The following THOP1 variants were observed in gnomAD, a reference collection of about 807,000 sequenced individuals.
THOP1 encodes thimet oligopeptidase.
Under a neutral mutation model 71.8 loss-of-function variants are expected in THOP1, and 49 were observed. The ratio of observed to expected loss-of-function variants is 0.68; its 90% confidence interval spans 0.54 to 0.87. THOP1 has a LOEUF of 0.87. Among genes scored for constraint, THOP1 ranks in the 40% least tolerant of loss-of-function variants. The pLI, the probability that THOP1 is intolerant of heterozygous loss-of-function variation, is 0.00. For synonymous variants in THOP1, 426 were observed against 421.5 expected (o/e 1.01, Z -0.13); for missense variants, 843 against 975.6 (o/e 0.86, Z 1.81).
intron 5 of THOP1, 93 bp downstream of exon 5, chr19:2,799,884 G>T: frequency 3.3e-6 from 4 of 1,200,288 alleles, no homozygotes; most frequent in Non-Finnish European, 4.9e-6. Context: ...TCCTCCTGTG[G>T]GCTTCTGTGC....
At chr19:2,812,384 C>G (rs1355612122) in intron 12 of THOP1, 2 of 1,503,500 alleles carry the variant, frequency 1.3e-6, no homozygotes, top group African/African-American at 2.8e-5. Flanking sequence ...TACCTCGGAG[C>G]CACCAAGCAG....
rs200615712 is a variant in THOP1, at chr19:2,807,083, C to T, written c.886+31C>T. On this transcript the variant is annotated intron_variant, in intron 7 of 12. Transcript: ENST00000307741. ...CCTTCCTTCCTCCTCCACTGGGGTC[C>T]CTGTGGGGAAGGTTCTCAGGGTCAC... The T allele has an allele frequency of 2.7e-5, 43 of 1,590,542 alleles. No individual in the cohort carries two copies. The South Asian group carries it at 4.4e-4, about 16-fold the overall frequency.
chr19:2,811,866 A>G, intron 12 of THOP1, 132 bp downstream of exon 12: 1 of 1,324,914 alleles, frequency 7.5e-7, no homozygotes, highest in South Asian at 1.7e-5. Context: ...ACGGCAAGGT[A>G]CGCGGGGACT....
chr19:2,800,968 A>C (rs1186310541), intron 5 of THOP1, among the ~76,000 whole-genome samples: 1 of 152,098 alleles, frequency 6.6e-6, no homozygotes, highest in African/African-American at 2.4e-5. Context: ...ATGCCATGGC[A>C]CCAAGGATTT....
At chr19:2,812,693 G>A (rs543064799) in intron 12 of THOP1, among the ~76,000 whole-genome samples, 1 of 152,328 alleles carries the variant, frequency 6.6e-6, no homozygotes, top group South Asian at 2.1e-4. Flanking sequence ...TGGCACCGGC[G>A]CCTCGCAGTC....
At chr19:2,788,523 G>A (rs1915804184) in intron 1 of THOP1, among the ~76,000 whole-genome samples, 1 of 152,162 alleles carries the variant, frequency 6.6e-6, no homozygotes, top group Non-Finnish European at 1.5e-5. Flanking sequence ...TTGTTGCCCA[G>A]GCTGGAGTGC....
intron 4 of THOP1, among the ~76,000 whole-genome samples, chr19:2,797,084 A>G (rs1916033780): frequency 6.6e-6 from 1 of 151,984 alleles, no homozygotes; most frequent in East Asian, 1.9e-4. Flanking sequence ...CTGGGTCAGG[A>G]GGTGTGCTCT....
Position 2,805,195 on chromosome 19 carries a change from G to A in THOP1, c.750+19G>A. On this transcript the variant is annotated intron_variant, in intron 6 of 12. Coordinates refer to ENST00000307741, the MANE Select transcript of THOP1 (RefSeq NM_003249.5). This position sits in a 1 kb window ranked among gnomAD's most constrained non-coding sequence, Gnocchi z 6.6. Reference sequence around the variant, plus strand: ...CAAGGAGGTGAGAAGGCACGGCCAGGGGGCCCCAGAACAGTGGGTCTGGAG... The same window carrying A: ...CAAGGAGGTGAGAAGGCACGGCCAGAGGGCCCCAGAACAGTGGGTCTGGAG... The A allele has an allele frequency of 5.0e-6, 8 of 1,604,454 alleles. No homozygotes were observed. Among genetic ancestry groups the A allele is most frequent in the Non-Finnish European group, 6.8e-6 (8 of 1,175,716 alleles).
At chr19:2,795,958 C>T in intron 3 of THOP1, 123 bp from the exon 4 acceptor site, 1 of 666,344 alleles carries the variant, frequency 1.5e-6, no homozygotes, top group Non-Finnish European at 2.7e-6. Context: ...AGATAAATGC[C>T]CAGGAGTGCA....
chr19:2,785,684 G>C lies in THOP1; in HGVS notation c.16+6G>C, dbSNP rs764331401. The C allele has an allele frequency of 6.8e-7, 1 of 1,467,252 alleles. No individual in the cohort carries two copies. Among genetic ancestry groups the C allele is most frequent in the South Asian group, 1.4e-5 (1 of 71,340 alleles). 90.9% of individuals were successfully genotyped at this position (1,467,252 alleles called of 1,614,324 possible). A position where few individuals can be genotyped will look rare whatever the true frequency, so the allele number is the denominator to read the frequency against. On this transcript the variant is annotated splice_donor_region_variant and intron_variant, in intron 1 of 12. Transcript: ENST00000307741. ...CGCCATGAAGCCCCCCGCAGGTACC[G>C]ACTACCCCGCTCGCCGGACCCGGGC...
At chr19:2,792,804 C>G (rs1311442907) in intron 2 of THOP1, among the ~76,000 whole-genome samples, 2 of 152,028 alleles carry the variant, frequency 1.3e-5, no homozygotes, top group Non-Finnish European at 2.9e-5. Flanking sequence ...CAAGTGTGTG[C>G]CACCGTGCCT....
At chr19:2,800,950 A>G (rs1192463714) in intron 5 of THOP1, among the ~76,000 whole-genome samples, 1 of 152,058 alleles carries the variant, frequency 6.6e-6, no homozygotes, top group Non-Finnish European at 1.5e-5. Context: ...CTGATGTTCT[A>G]GAAGCCAATG....
intron 6 of THOP1, chr19:2,806,287 C>G (rs560827311): frequency 6.5e-6 from 1 of 152,862 alleles, no homozygotes; most frequent in African/African-American, 2.4e-5. Flanking sequence ...AGGGCGCACA[C>G]GGGTGGGCTG....
In THOP1 at chr19:2,805,045, C is replaced by T. The variant is rs267605398; in HGVS notation, c.619C>T (p.Leu207=). ...GGLPEDFLNS[L]EKMEDGKLKV... is the part of the protein sequence containing the mutation. Reference sequence around the variant, plus strand: ...GCTCCCCGAGGACTTTCTGAACTCCCTGGAGAAGATGGAGGACGGCAAGTT... The same window carrying T: ...GCTCCCCGAGGACTTTCTGAACTCCTTGGAGAAGATGGAGGACGGCAAGTT... The change falls in exon 6 of 13, where the codon CTG becomes TTG. Residue 207 remains leucine, a synonymous_variant. Transcript: ENST00000307741. This position sits in a 1 kb window ranked among gnomAD's most constrained non-coding sequence, Gnocchi z 6.6. 1.2e-6 allele frequency: 2 copies of T among 1,612,562 alleles called. No homozygotes were observed. Among genetic ancestry groups the T allele is most frequent in the African/African-American group, 1.3e-5 (1 of 74,914 alleles).
Position 2,801,014 on chromosome 19 carries a change from A to G in THOP1, c.589+1223A>G, listed in dbSNP as rs1167422385. On this transcript the variant is annotated intron_variant, in intron 5 of 12. Transcript: ENST00000307741. The surrounding 1 kb of genome is among the most constrained non-coding windows in gnomAD (Gnocchi z 5.1). ...AAGCTTCTCATTGCAAGTGACTCCC[A>G]AGGAGACTGGGCGTCCAGCTCAAAT... Among the ~76,000 whole-genome samples the G allele has an allele frequency of 2.0e-5, 3 of 152,180 alleles. No individual in the cohort carries two copies. The highest frequency in any genetic ancestry group is 2.9e-5 in the Non-Finnish European group (2 of 68,026).
At chr19:2,791,887 C>T (rs1018706322) in intron 2 of THOP1, among the ~76,000 whole-genome samples, 5 of 152,246 alleles carry the variant, frequency 3.3e-5, no homozygotes, top group African/African-American at 4.8e-5. Context: ...TGGTCTTCAG[C>T]GCCCTGCACC....
chr19:2,808,106 CT>C (rs78421252), intron 8 of THOP1, 136 bp from the exon 9 acceptor site: 28,137 of 1,055,104 alleles, frequency 0.027, 1,537 homozygotes, highest in East Asian at 0.17. Context: ...CAAGCCACCT[CT>C]GCTGAGAGGG....
intron 9 of THOP1, among the ~76,000 whole-genome samples, chr19:2,808,980 G>A (rs138562987): frequency 2.9e-4 from 44 of 152,312 alleles, no homozygotes; most frequent in African/African-American, 1.0e-3. Context: ...ATCACCTGAG[G>A]TCAGGAGCTC....
At position 2,807,604 on chromosome 19, in the gene THOP1, G is replaced by T; in HGVS notation, c.1049G>T (p.Cys350Phe). Residue 350 changes from cysteine (C) to phenylalanine (F), a missense_variant, in exon 8 of 13, where the codon TGC (cysteine) becomes TTC (phenylalanine). By Grantham distance (205) the Cys-to-Phe change is radical (BLOSUM62 -2). Coordinates refer to ENST00000307741, the MANE Select transcript of THOP1 (RefSeq NM_003249.5). ...AACCAGGTGGAGGAGACGCGCTACTGCGTGGACCAGAACCTGCTCAAGGAG... is the reference window on the plus strand; with the variant it reads ...AACCAGGTGGAGGAGACGCGCTACTTCGTGGACCAGAACCTGCTCAAGGAG... ...YMNQVEETRY[C>F]VDQNLLKEYF... is the part of the protein sequence containing the mutation. 1.2e-6 allele frequency: 2 copies of T among 1,612,642 alleles called. No homozygotes were observed. The highest frequency in any genetic ancestry group is 1.1e-5 in the South Asian group (1 of 91,072).
Sources: gnomAD v4.1 joint callset for allele counts (sites outside exome capture counted in the v4.1 genomes callset) on GRCh38, gnomAD v4.1.1 for gene constraint, Gnocchi (gnomAD v3.1) non-coding constraint, MANE v1.5 for transcripts, NCBI Gene and HGNC (gene_info 2026-07-23, HGNC 2026-07-21) for gene names.